LTBP1: variants seen among roughly 807,000 people sequenced by gnomAD.
LTBP1 encodes the protein latent-transforming growth factor beta-binding protein 1.
Under a neutral mutation model 207.6 loss-of-function variants are expected in LTBP1, and 129 were observed. The observed-to-expected ratio is 0.62, with a 90% CI of 0.54 to 0.72. LTBP1 has a LOEUF of 0.72. Ranked by LOEUF, LTBP1 falls within the 30% of genes least tolerant of loss-of-function variation. The pLI is 0.00. For synonymous variants in LTBP1, 963 were observed against 833.7 expected (o/e 1.16, Z -2.67); for missense variants, 2,281 against 2,217.2 (o/e 1.03, Z -0.58).
At chr2:33,325,911 A>G (rs371320026) in intron 24 of LTBP1, among the ~76,000 whole-genome samples, 21 of 152,162 alleles carry the variant, frequency 1.4e-4, no homozygotes, top group Middle Eastern at 3.4e-3. Flanking sequence ...TTTCTTTTCT[A>G]TAACAAATTC....
intron 3 of LTBP1, among the ~76,000 whole-genome samples, chr2:33,069,245 G>A (rs1424614935): frequency 6.6e-6 from 1 of 152,104 alleles, no homozygotes; most frequent in Non-Finnish European, 1.5e-5. Context: ...GGACTGGGGA[G>A]AAAGATGCCC....
intron 25 of LTBP1, among the ~76,000 whole-genome samples, chr2:33,345,580 A>C (rs1046426142): frequency 2.0e-5 from 3 of 152,254 alleles, no homozygotes; most frequent in Non-Finnish European, 4.4e-5. Flanking sequence ...GGTTGATTAA[A>C]TATTTCAACT....
At chr2:33,000,526 G>C (rs1685940923) in intron 2 of LTBP1, among the ~76,000 whole-genome samples, 1 of 135,132 alleles carries the variant, frequency 7.4e-6, no homozygotes, top group Admixed American at 7.6e-5. Flanking sequence ...CATGCTGTTT[G>C]CAAGTGGTCG....
At chr2:33,036,010 T>A (rs1368127071) in intron 3 of LTBP1, among the ~76,000 whole-genome samples, 1 of 152,248 alleles carries the variant, frequency 6.6e-6, no homozygotes, top group African/African-American at 2.4e-5. Context: ...ACCACATTTT[T>A]AGGTATATCT....
intron 3 of LTBP1, among the ~76,000 whole-genome samples, chr2:33,073,312 A>G (rs772021944): frequency 3.5e-4 from 53 of 150,436 alleles, no homozygotes; most frequent in Non-Finnish European, 6.9e-4. Context: ...TTTACCATGT[A>G]CATATCAACA....
At chr2:33,021,690 G>A (rs902244256) in intron 3 of LTBP1, among the ~76,000 whole-genome samples, 16 of 152,160 alleles carry the variant, frequency 1.1e-4, no homozygotes, top group African/African-American at 3.9e-4. Flanking sequence ...AACCTCAGTA[G>A]CAGGTTAAGT....
At chr2:33,265,786 C>G (rs1178432365) in intron 15 of LTBP1, among the ~76,000 whole-genome samples, 1 of 151,828 alleles carries the variant, frequency 6.6e-6, no homozygotes. Context: ...TTTTTAGAGT[C>G]AGCAAAAATG....
intron 24 of LTBP1, among the ~76,000 whole-genome samples, chr2:33,327,804 ATC>A (rs1351471640): frequency 6.6e-6 from 1 of 152,090 alleles, no homozygotes. Flanking sequence ...AGTGTGGATT[ATC>A]TCTTTTTTTT....
chr2:33,396,560 G>C (rs1027449213), intron 32 of LTBP1, among the ~76,000 whole-genome samples: 1 of 152,156 alleles, frequency 6.6e-6, no homozygotes, highest in Non-Finnish European at 1.5e-5. Flanking sequence ...CATTCATCAG[G>C]ATGTTTTGAG....
chr2:33,244,615 A>G (rs983248089), intron 10 of LTBP1, among the ~76,000 whole-genome samples: 7 of 152,198 alleles, frequency 4.6e-5, no homozygotes, highest in African/African-American at 1.7e-4. Flanking sequence ...TAAAGTAATC[A>G]TGCCCATTAT....
intron 31 of LTBP1, among the ~76,000 whole-genome samples, chr2:33,367,786 A>G (rs1430331574): frequency 2.6e-5 from 4 of 152,174 alleles, no homozygotes; most frequent in African/African-American, 9.7e-5. Flanking sequence ...CATTGTTTAT[A>G]AAAGGAAAAT....
chr2:33,057,786 C>T lies in LTBP1; in HGVS notation c.863+36580C>T, dbSNP rs138819839. ...CTGGCCTGCAAGCACCACGTGCAGC[C>T]CCAGTTCCCGCCCATGCCTCTCCCT... On this transcript the variant is annotated intron_variant, in intron 3 of 33. Coordinates refer to ENST00000404816, the MANE Select transcript of LTBP1 (RefSeq NM_206943.4). Among the ~76,000 whole-genome samples the T allele has an allele frequency of 3.8e-3, 585 of 152,348 alleles. 1 individual carries two copies. The highest frequency in any genetic ancestry group is 9.1e-3 in the African/African-American group (378 of 41,580).
intron 10 of LTBP1, among the ~76,000 whole-genome samples, chr2:33,252,079 T>C (rs2092701821): frequency 6.6e-6 from 1 of 152,242 alleles, no homozygotes; most frequent in Admixed American, 6.5e-5. Context: ...CATCTCTTCC[T>C]TCTCTGGTGT....
intron 32 of LTBP1, among the ~76,000 whole-genome samples, chr2:33,391,408 C>A (rs2095313431): frequency 1.3e-5 from 2 of 152,128 alleles, no homozygotes; most frequent in African/African-American, 4.8e-5. Context: ...TGATGCTTCT[C>A]TGTATATGTT....
Position 33,105,433 on chromosome 2 carries a change from A to G in LTBP1, c.864-5149A>G, listed in dbSNP as rs550184454. On this transcript the variant is annotated intron_variant, in intron 3 of 33. Coordinates refer to ENST00000404816, the MANE Select transcript of LTBP1 (RefSeq NM_206943.4). ...CATCTGAGACTTCAAATCATATGTGATCTTCTGCTTTTTTTTTTTTTGAGA... is the reference window on the plus strand; with the variant it reads ...CATCTGAGACTTCAAATCATATGTGGTCTTCTGCTTTTTTTTTTTTTGAGA... Among the ~76,000 whole-genome samples, 26 of 150,080 alleles carry G rather than the reference A, an allele frequency of 1.7e-4. 1 individual carries two copies. Among genetic ancestry groups the G allele is most frequent in the South Asian group, 1.1e-3 (5 of 4,676 alleles).
At chr2:33,131,348 C>T (rs1478114977) in intron 4 of LTBP1, among the ~76,000 whole-genome samples, 9 of 152,216 alleles carry the variant, frequency 5.9e-5, no homozygotes, top group Admixed American at 3.9e-4. Flanking sequence ...TTGCCTTCAG[C>T]GTGTCACATG....
Position 33,051,826 on chromosome 2 carries a change from A to G in LTBP1, c.863+30620A>G, listed in dbSNP as rs886975779. On this transcript the variant is annotated intron_variant, in intron 3 of 33. Transcript: ENST00000404816. ...TGCTCAATCTGCTAGGCTTACTACC[A>G]TCTAAGTCCTAGAAGGCCTATCAAC... Among the ~76,000 whole-genome samples the G allele has an allele frequency of 5.3e-5, 8 of 152,194 alleles. No individual in the cohort carries two copies. The East Asian group carries it at 9.6e-4, about 18-fold the overall frequency.
Position 32,969,006 on chromosome 2 carries a change from C to G in LTBP1, c.565+20061C>G, listed in dbSNP as rs143114290. Among the ~76,000 whole-genome samples, 445 of 151,022 alleles carry G rather than the reference C, an allele frequency of 2.9e-3. 5 individuals carry two copies. The highest frequency in any genetic ancestry group is 0.01 in the African/African-American group (426 of 41,046). On this transcript the variant is annotated intron_variant, in intron 2 of 33. Transcript: ENST00000404816. ...CTCGGCTCACTGCAACCTCTGCCTC[C>G]TGGGCTCAAGCAGGGCTCGAGCAAT...
At chr2:33,079,468 A>G (rs2078274799) in intron 3 of LTBP1, among the ~76,000 whole-genome samples, 1 of 152,228 alleles carries the variant, frequency 6.6e-6, no homozygotes, top group African/African-American at 2.4e-5. Flanking sequence ...TGGAGAATTA[A>G]TACAGAATTA....
Sources: gnomAD v4.1 joint callset for allele counts (sites outside exome capture counted in the v4.1 genomes callset) on GRCh38, gnomAD v4.1.1 for gene constraint, MANE v1.5 for transcripts, NCBI Gene and HGNC (gene_info 2026-07-23, HGNC 2026-07-21) for gene names.